Variants in ATP10B observed in about 807,000 individuals in gnomAD.
The protein encoded by ATP10B is ATPase phospholipid transporting 10B (putative).
Under a neutral mutation model 141.2 loss-of-function variants are expected in ATP10B, and 122 were observed. The observed-to-expected ratio is 0.86, with a 90% confidence interval of 0.75 to 1.00. The LOEUF is 1.00. ATP10B is among the 50% of genes least tolerant of loss of function. The probability of loss-of-function intolerance (pLI) is 0.00; values close to 1 mark genes in which losing one functional copy is unlikely to be tolerated. For synonymous variants in ATP10B, 685 were observed against 692.0 expected, an observed-to-expected ratio of 0.99 and a Z score of 0.16; for missense variants, 1,876 against 1,825.3, an observed-to-expected ratio of 1.03 and a Z score of -0.51.
chr5:160,640,612 A>T lies in ATP10B; in HGVS notation c.869-20T>A. The stretch of plus-strand genomic sequence containing the variant: ...CATGGCCTTTGAGAGAAAATGAGGA[A>T]ATCAGTCCCTTAGTTCCTGTTTGCC... On this transcript the variant is annotated intron_variant, in intron 9 of 25. Coordinates refer to ENST00000327245, the MANE Select transcript of ATP10B (RefSeq NM_025153.3). The T allele has an allele frequency of 1.2e-6, 2 of 1,613,532 alleles. No individual in the cohort carries two copies. The highest frequency in any genetic ancestry group is 1.7e-6 in the Non-Finnish European group (2 of 1,179,648).
intron 1 of ATP10B, among the ~76,000 whole-genome samples, chr5:160,839,858 T>C (rs183479715): frequency 1.3e-5 from 2 of 151,984 alleles, no homozygotes; most frequent in Admixed American, 1.3e-4. Context: ...TTGGACAAAG[T>C]AGAAAACAGC....
At chr5:160,715,568 C>T (rs1765576919) in intron 3 of ATP10B, among the ~76,000 whole-genome samples, 1 of 151,018 alleles carries the variant, frequency 6.6e-6, no homozygotes, top group Admixed American at 6.6e-5. Context: ...CAGAAATCAC[C>T]CGTCTTCTGC....
intron 1 of ATP10B, among the ~76,000 whole-genome samples, chr5:160,814,475 T>C (rs1004327653): frequency 7.3e-5 from 11 of 151,166 alleles, no homozygotes; most frequent in Non-Finnish European, 1.5e-4. Context: ...CCAAGAAATA[T>C]GGGACTATGT....
intron 1 of ATP10B, among the ~76,000 whole-genome samples, chr5:160,828,981 C>G (rs1406724324): frequency 1.4e-5 from 2 of 140,966 alleles, no homozygotes; most frequent in African/African-American, 5.2e-5. Flanking sequence ...ACCGCATGTT[C>G]TCACTCATAG....
chr5:160,848,251 G>C (rs773854188), intron 1 of ATP10B, among the ~76,000 whole-genome samples: 4 of 152,176 alleles, frequency 2.6e-5, no homozygotes, highest in Non-Finnish European at 4.4e-5. Context: ...TTCAAAGTGA[G>C]ATTTGAGAGA....
chr5:160,680,418 A>G (rs1763307738), intron 6 of ATP10B, among the ~76,000 whole-genome samples: 1 of 152,220 alleles, frequency 6.6e-6, no homozygotes, highest in South Asian at 2.1e-4. Flanking sequence ...ACTAACACTT[A>G]TCTATTTAAT....
At chr5:160,772,911 A>G (rs868200240) in intron 2 of ATP10B, among the ~76,000 whole-genome samples, 1 of 152,222 alleles carries the variant, frequency 6.6e-6, no homozygotes, top group African/African-American at 2.4e-5. Flanking sequence ...TGGTAGCTCT[A>G]AACAGTTGCT....
rs757387528 is a variant in ATP10B, at chr5:160,612,773, C to T, written c.2806G>A (p.Asp936Asn). 8.1e-6 allele frequency: 13 copies of T among 1,613,886 alleles called. No homozygotes were observed. The highest frequency in any genetic ancestry group is 1.3e-5 in the African/African-American group (1 of 74,984). Reference sequence around the variant, plus strand: ...TCTGTATTGATGGTATAAACAGTGTCGGTCTGATTTAACAGTCTGCAGGAA... The same window carrying T: ...TCTGTATTGATGGTATAAACAGTGTTGGTCTGATTTAACAGTCTGCAGGAA... ...AHSCRLLNQT[D>N]TVYTINTENQ... The change falls in exon 18 of 26, where the codon GAC (aspartate) becomes AAC (asparagine). Residue 936 changes from aspartate (D) to asparagine (N), a missense_variant. Transcript: ENST00000327245.
the ATP10B span, among the ~76,000 whole-genome samples, chr5:160,876,616 C>A: frequency 2.0e-5 from 3 of 151,196 alleles, no homozygotes; most frequent in Admixed American, 1.3e-4. Flanking sequence ...TTGAAAGGAT[C>A]AACAAAATTG....
chr5:160,860,017 C>T, the ATP10B span, among the ~76,000 whole-genome samples: 174 of 151,910 alleles, frequency 1.1e-3, no homozygotes, highest in African/African-American at 4.1e-3. Flanking sequence ...ATGTATATTA[C>T]TCTTTTTATT....
At chr5:160,699,239 T>C (rs552384552) in intron 3 of ATP10B, among the ~76,000 whole-genome samples, 3 of 152,330 alleles carry the variant, frequency 2.0e-5, no homozygotes, top group East Asian at 1.9e-4. Flanking sequence ...CATAATTTCA[T>C]TTTTAACATC....
intron 1 of ATP10B, among the ~76,000 whole-genome samples, chr5:160,836,517 A>G (rs1775444534): frequency 2.0e-5 from 3 of 152,082 alleles, no homozygotes; most frequent in Admixed American, 2.0e-4. Context: ...TTGCCCTTCC[A>G]AAGTTATCTT....
At chr5:160,881,538 C>A in the ATP10B span, among the ~76,000 whole-genome samples, 2 of 152,118 alleles carry the variant, frequency 1.3e-5, no homozygotes, top group African/African-American at 2.4e-5. Context: ...TTCGGCCGGG[C>A]GTGGTGGCTC....
At chr5:160,816,515 T>A (rs1456956281) in intron 1 of ATP10B, among the ~76,000 whole-genome samples, 1 of 151,972 alleles carries the variant, frequency 6.6e-6, no homozygotes, top group Non-Finnish European at 1.5e-5. Flanking sequence ...AATTAATAGC[T>A]TACCAACCAA....
At chr5:160,791,937 T>C (rs1376224340) in intron 1 of ATP10B, among the ~76,000 whole-genome samples, 4 of 152,116 alleles carry the variant, frequency 2.6e-5, no homozygotes, top group African/African-American at 9.7e-5. Flanking sequence ...AAAATGACTC[T>C]AGCTGGGATG....
Position 160,822,989 on chromosome 5 carries a change from C to CATATATAT in ATP10B, c.-576+28944_-576+28951dup, listed in dbSNP as rs773879988. On this transcript the variant is annotated intron_variant, in intron 1 of 25. Transcript: ENST00000327245. ...TGACTATAGTAAAAAATTACATATA[C>CATATATAT]ATATATATATACATATATATATATA... Among the ~76,000 whole-genome samples the CATATATAT allele has an allele frequency of 2.9e-3, 200 of 69,644 alleles. 4 individuals carry two copies. Among genetic ancestry groups the CATATATAT allele is most frequent in the Non-Finnish European group, 4.0e-3 (143 of 35,488 alleles). 45.7% of individuals were successfully genotyped at this position (69,644 alleles called of 152,430 possible). A position where few individuals can be genotyped will look rare whatever the true frequency, so the allele number is the denominator to read the frequency against.
intron 2 of ATP10B, among the ~76,000 whole-genome samples, chr5:160,735,738 T>C (rs192164219): frequency 2.0e-5 from 3 of 152,228 alleles, no homozygotes; most frequent in East Asian, 1.9e-4. Flanking sequence ...ATAGACCATA[T>C]GTTAGGTCAC....
chr5:160,804,950 G>A (rs1238634101), intron 1 of ATP10B, among the ~76,000 whole-genome samples: 1 of 152,236 alleles, frequency 6.6e-6, no homozygotes, highest in East Asian at 1.9e-4. Flanking sequence ...AGAATTATGT[G>A]TACCAAAAAA....
intron 2 of ATP10B, among the ~76,000 whole-genome samples, chr5:160,761,383 GACATTCGCCAGCACCAGCCT>G (rs66535903): frequency 0.59 from 89,016 of 150,836 alleles, 26,890 homozygotes; most frequent in African/African-American, 0.71. Context: ...ACTCTTTGTA[GACATTCGCCAGCACCAGCCT>G]ACATTCGCCA....
Sources: gnomAD v4.1 joint callset for allele counts (sites outside exome capture counted in the v4.1 genomes callset) on GRCh38, gnomAD v4.1.1 for gene constraint, MANE v1.5 for transcripts, NCBI Gene and HGNC (gene_info 2026-07-23, HGNC 2026-07-21) for gene names.